Variants in LACTBL1 observed in about 807,000 individuals in gnomAD.
The protein encoded by LACTBL1 is lactamase beta like 1.
A neutral mutation model predicts 39.6 loss-of-function variants in LACTBL1; 29 were observed. The ratio of observed to expected loss-of-function variants is 0.73; its 90% CI spans 0.55 to 1.00. The LOEUF is 1.00. LACTBL1 is among the 50% of genes least tolerant of loss of function. The pLI is 0.00. For synonymous variants in LACTBL1, 361 were observed against 360.7 expected, an observed-to-expected ratio of 1.00 and a Z score of -0.01; for missense variants, 711 against 748.5, an observed-to-expected ratio of 0.95 and a Z score of 0.59.
At chr1:22,968,168 G>A (rs1640902560), upstream of LACTBL1, among the ~76,000 whole-genome samples, 1 of 152,102 alleles carries the variant, frequency 6.6e-6, no homozygotes, top group African/African-American at 2.4e-5. Context: ...TATTCAGTTA[G>A]CTAACTACAA....
At chr1:22,955,883 G>A (rs1181277738) in intron 4 of LACTBL1, among the ~76,000 whole-genome samples, 2 of 151,762 alleles carry the variant, frequency 1.3e-5, no homozygotes, top group African/African-American at 2.4e-5. Context: ...CCAACATGGT[G>A]AAACCCCATC....
At chr1:22,953,849 C>G (rs1036884352) in exon 6 of LACTBL1, 11 of 1,548,348 alleles carry the variant, frequency 7.1e-6, no homozygotes, top group African/African-American at 6.9e-5. Context: ...CGCCCGCTGC[C>G]GTAGAAGCCC....
upstream of LACTBL1, among the ~76,000 whole-genome samples, chr1:22,967,136 AGGCG>A (rs1640887945): frequency 1.3e-5 from 2 of 152,188 alleles, no homozygotes; most frequent in South Asian, 4.1e-4. Context: ...TGAGAGGCCA[AGGCG>A]GGTGGATCAC....
exon 4 of LACTBL1, chr1:22,958,883 G>A (rs765342093): frequency 8.4e-6 from 13 of 1,550,280 alleles, no homozygotes; most frequent in African/African-American, 4.1e-5. Flanking sequence ...AGACGGTACA[G>A]CATGAGGACA....
chr1:22,964,468 A>T (rs1488750742), intron 1 of LACTBL1, among the ~76,000 whole-genome samples: 1 of 152,204 alleles, frequency 6.6e-6, no homozygotes, highest in Non-Finnish European at 1.5e-5. Context: ...CCCCAAGCCG[A>T]CTTGCCCAGT....
chr1:22,971,217 AC>A, the LACTBL1 span, among the ~76,000 whole-genome samples: 4 of 151,738 alleles, frequency 2.6e-5, no homozygotes, highest in Non-Finnish European at 5.9e-5. Context: ...AAGATGCACC[AC>A]CCCCCTCCTC....
exon 6 of LACTBL1, chr1:22,953,528 G>A: frequency 8.1e-7 from 1 of 1,237,546 alleles, no homozygotes; most frequent in Non-Finnish European, 1.0e-6. Flanking sequence ...CCTGCCAGCA[G>A]CAGCACCAGG....
At chr1:22,959,989 A>C in exon 3 of LACTBL1, 1 of 1,551,148 alleles carries the variant, frequency 6.4e-7, no homozygotes, top group Non-Finnish European at 8.7e-7. Context: ...GGTCTGAGCC[A>C]TTCTTCTTCC....
chr1:22,953,952 G>A, exon 6 of LACTBL1: 1 of 1,550,180 alleles, frequency 6.5e-7, no homozygotes, highest in Non-Finnish European at 8.7e-7. Flanking sequence ...CCCAGCGCTG[G>A]TAGTCGCCCT....
chr1:22,972,336 A>G, the LACTBL1 span: 1 of 985,184 alleles, frequency 1.0e-6, no homozygotes, highest in African/African-American at 1.7e-5. Context: ...GGCATGGAAG[A>G]TTCTGGCTCT....
chr1:22,963,211 G>T (rs1465194978), exon 2 of LACTBL1: 1 of 1,354,922 alleles, frequency 7.4e-7, no homozygotes, highest in Non-Finnish European at 9.5e-7. Context: ...TCTGGTCCCA[G>T]GGAACCTGGA....
chr1:22,959,870 C>T (rs776370723), intron 3 of LACTBL1, 72 bp downstream of exon 5: 124 of 1,508,882 alleles, frequency 8.2e-5, no homozygotes, highest in Non-Finnish European at 1.0e-4. Context: ...CTTCAGTATC[C>T]TTACCTCCTA....
At chr1:22,968,829 T>C (rs1640909560), upstream of LACTBL1, among the ~76,000 whole-genome samples, 1 of 152,246 alleles carries the variant, frequency 6.6e-6, no homozygotes, top group African/African-American at 2.4e-5. Flanking sequence ...TGAGTTGATG[T>C]ATAAAAATAA....
intron 2 of LACTBL1, among the ~76,000 whole-genome samples, chr1:22,961,716 T>C (rs1038892534): frequency 6.6e-6 from 1 of 151,884 alleles, no homozygotes; most frequent in Non-Finnish European, 1.5e-5. Flanking sequence ...TTACATATCC[T>C]TGGCTGAGCT....
At chr1:22,953,316 G>A in exon 6 of LACTBL1, 1 of 1,225,968 alleles carries the variant, frequency 8.2e-7, no homozygotes, top group Non-Finnish European at 1.0e-6. Flanking sequence ...CGCGCGGCCC[G>A]AACTGGCGCA....
intron 2 of LACTBL1, among the ~76,000 whole-genome samples, chr1:22,960,343 T>C (rs1640807202): frequency 2.6e-5 from 4 of 152,286 alleles, no homozygotes; most frequent in Middle Eastern, 6.8e-3. Flanking sequence ...AGGCTGGGCA[T>C]GGTGGCTCAT....
chr1:22,953,174 C>T (rs1282991309), exon 6 of LACTBL1: 1 of 1,232,042 alleles, frequency 8.1e-7, no homozygotes, highest in Non-Finnish European at 1.0e-6. Flanking sequence ...CCGTGCTGGG[C>T]CTCGAGCGAG....
rs1570499866 is a variant in LACTBL1, at chr1:22,959,055, A to G, written c.318-135T>C. 27 of 623,982 alleles carry G rather than the reference A, an allele frequency of 4.3e-5. No individual in the cohort carries two copies. In the East Asian group the frequency reaches 7.6e-4, roughly 18 times the overall value. 38.7% of individuals were successfully genotyped at this position (623,982 alleles called of 1,614,324 possible). A position where few individuals can be genotyped will look rare whatever the true frequency, so the allele number is the denominator to read the frequency against. On this transcript the variant is annotated intron_variant, in intron 3 of 5. Transcript: ENST00000426928. ...CTGCTTAAGTCAACATCTCCAACAG[A>G]AATTAACCAGCCTCTGTGGAGCTGC...
In LACTBL1 at chr1:22,960,314, G is replaced by C. The variant is rs191633761; in HGVS notation, c.160-215C>G. Among the ~76,000 whole-genome samples the C allele has an allele frequency of 8.1e-4, 124 of 152,290 alleles. 3 individuals are homozygous for C. Among genetic ancestry groups the C allele is most frequent in the East Asian group, 3.3e-3 (17 of 5,174 alleles). On this transcript the variant is annotated intron_variant, in intron 2 of 5. Transcript: ENST00000426928. ...CTTAGCAAAATAAAAAAGGAGAGGG[G>C]GTTAAAACGACTGCTTTAAGGCTGG...
Sources: allele counts gnomAD v4.1 joint callset (sites outside exome capture counted in the v4.1 genomes callset), GRCh38; gene constraint gnomAD v4.1.1; transcripts MANE v1.5; gene names NCBI Gene and HGNC (gene_info 2026-07-23, HGNC 2026-07-21).